STXBP5: variants seen among roughly 807,000 people sequenced by gnomAD.
STXBP5 encodes syntaxin-binding protein 5.
In STXBP5, 50 loss-of-function variants were observed where a neutral mutation model predicts 152.4. The ratio of observed to expected loss-of-function variants is 0.33; its 90% CI spans 0.26 to 0.42. The LOEUF is 0.42. Among genes scored for constraint, STXBP5 ranks in the 10% least tolerant of loss-of-function variants. The pLI, the probability that STXBP5 is intolerant of heterozygous loss-of-function variation, is 1.00. For missense variants in STXBP5, 1,167 were observed against 1,388.6 expected, an observed-to-expected ratio of 0.84 and a Z score of 2.54; for synonymous variants, 492 against 494.7, an observed-to-expected ratio of 0.99 and a Z score of 0.07.
chr6:147,239,511 G>GA (rs1250091435), intron 4 of STXBP5, among the ~76,000 whole-genome samples: 1 of 151,984 alleles, frequency 6.6e-6, no homozygotes, highest in African/African-American at 2.4e-5. Flanking sequence ...ATGTATAAAA[G>GA]AAAAAATCTC....
intron 4 of STXBP5, among the ~76,000 whole-genome samples, chr6:147,255,132 A>T (rs1196068791): frequency 6.6e-6 from 1 of 152,262 alleles, no homozygotes; most frequent in Admixed American, 6.5e-5. Flanking sequence ...AATACCATGC[A>T]GCCGTAAAAA....
chr6:147,305,837 T>A (rs1163319360), intron 9 of STXBP5, among the ~76,000 whole-genome samples: 1 of 152,140 alleles, frequency 6.6e-6, no homozygotes, highest in Non-Finnish European at 1.5e-5. Context: ...AAGGTATAAT[T>A]CTGCTTACCA....
At chr6:147,314,462 C>G in intron 13 of STXBP5, 131 bp downstream of exon 13, 1 of 1,300,744 alleles carries the variant, frequency 7.7e-7, no homozygotes, top group African/African-American at 1.5e-5. Flanking sequence ...AAATGTTATT[C>G]TTAAGAACCT....
At chr6:147,215,111 G>T (rs544399546) in intron 2 of STXBP5, among the ~76,000 whole-genome samples, 1 of 152,284 alleles carries the variant, frequency 6.6e-6, no homozygotes, top group Admixed American at 6.5e-5. Context: ...TAGCACAAAT[G>T]CAACCATAAA....
intron 25 of STXBP5, among the ~76,000 whole-genome samples, chr6:147,369,613 A>G (rs542585185): frequency 1.2e-4 from 19 of 152,112 alleles, no homozygotes; most frequent in Non-Finnish European, 2.9e-5. Context: ...AAAACTCACC[A>G]GAAGGAAGAG....
intron 16 of STXBP5, 60 bp from the exon 17 acceptor site, chr6:147,324,899 T>A: frequency 7.5e-7 from 1 of 1,336,606 alleles, no homozygotes; most frequent in Non-Finnish European, 9.8e-7. Context: ...AAGTTATTTA[T>A]AATCATATAG....
chr6:147,319,062 C>T (rs1782782048), intron 16 of STXBP5, among the ~76,000 whole-genome samples: 1 of 152,100 alleles, frequency 6.6e-6, no homozygotes, highest in Non-Finnish European at 1.5e-5. Flanking sequence ...TTGAATACTA[C>T]TTGCCCTCAC....
At chr6:147,273,138 A>C (rs1341954774) in intron 7 of STXBP5, among the ~76,000 whole-genome samples, 1 of 149,866 alleles carries the variant, frequency 6.7e-6, no homozygotes, top group Non-Finnish European at 1.5e-5. Flanking sequence ...GGATCAGTTG[A>C]GGCCAGGAGA....
At chr6:147,256,510 C>A (rs10499247) in intron 4 of STXBP5, among the ~76,000 whole-genome samples, 10,401 of 152,060 alleles carry the variant, frequency 0.068, 476 homozygotes, top group African/African-American at 0.12. Flanking sequence ...GATATAGGTA[C>A]CACAAAATGT....
At chr6:147,225,813 A>G (rs143048833) in intron 2 of STXBP5, among the ~76,000 whole-genome samples, 1 of 152,306 alleles carries the variant, frequency 6.6e-6, no homozygotes, top group East Asian at 1.9e-4. Context: ...ATAAGAGGAA[A>G]TATTGTTGTG....
chr6:147,289,963 G>T lies in STXBP5; in HGVS notation c.839-1131G>T, dbSNP rs112726802. ...TGCCTGTAATCCCAGCACTTCAGGA[G>T]ACTGCGGCGGGCAGCTCCCTTGAGC... On this transcript the variant is annotated intron_variant, in intron 8 of 27. Coordinates refer to ENST00000321680, the MANE Select transcript of STXBP5 (RefSeq NM_001127715.4). Among the ~76,000 whole-genome samples, 1,406 of 152,336 alleles carry T rather than the reference G, an allele frequency of 9.2e-3. 22 individuals carry two copies. Among genetic ancestry groups the T allele is most frequent in the African/African-American group, 0.032 (1,318 of 41,576 alleles).
chr6:147,291,534 G>A (rs528260513), intron 9 of STXBP5, among the ~76,000 whole-genome samples: 1 of 152,116 alleles, frequency 6.6e-6, no homozygotes, highest in South Asian at 2.1e-4. Flanking sequence ...TACTATATAT[G>A]TTATGAAAGT....
At chr6:147,370,073 C>G (rs1391434991) in intron 25 of STXBP5, among the ~76,000 whole-genome samples, 2 of 151,818 alleles carry the variant, frequency 1.3e-5, no homozygotes, top group East Asian at 3.9e-4. Context: ...GTCAGCAATA[C>G]AAAGGAGTAA....
intron 8 of STXBP5, among the ~76,000 whole-genome samples, chr6:147,278,627 TGGTGTCA>T (rs1210143920): frequency 6.6e-6 from 1 of 152,104 alleles, no homozygotes; most frequent in African/African-American, 2.4e-5. Flanking sequence ...TATCAAAATA[TGGTGTCA>T]GGAGTCCTCA....
intron 4 of STXBP5, among the ~76,000 whole-genome samples, chr6:147,257,110 T>C (rs954246183): frequency 3.3e-5 from 5 of 151,838 alleles, no homozygotes; most frequent in Non-Finnish European, 5.9e-5. Context: ...ATGTTCCCAG[T>C]AACATGATTT....
intron 2 of STXBP5, 77 bp from the exon 3 acceptor site, chr6:147,235,170 ATTT>A: frequency 8.1e-7 from 1 of 1,229,456 alleles, no homozygotes; most frequent in Non-Finnish European, 1.2e-6. Context: ...TCATTGGAAT[ATTT>A]ATCAGCCTAT....
At chr6:147,284,479 A>G (rs1412792181) in intron 8 of STXBP5, among the ~76,000 whole-genome samples, 2 of 152,242 alleles carry the variant, frequency 1.3e-5, no homozygotes, top group African/African-American at 4.8e-5. Context: ...AAAATGATCT[A>G]TAAACTGATA....
intron 16 of STXBP5, among the ~76,000 whole-genome samples, chr6:147,324,275 T>TTG (rs1783104732): frequency 1.6e-5 from 2 of 126,488 alleles, no homozygotes; most frequent in South Asian, 2.8e-4. Context: ...TTTTTTTTTT[T>TTG]TTTTTTTTTT....
At position 147,205,965 on chromosome 6, in the gene STXBP5, C is replaced by A; in HGVS notation, c.151-6C>A. ...GGTTGCTGTGATGTCACTTGCCCAT[C>A]CCTAGACTGTTCGCCATGGATTTCC... On this transcript the variant is annotated splice_region_variant and splice_polypyrimidine_tract_variant and intron_variant, in intron 1 of 27. Coordinates refer to ENST00000321680, the MANE Select transcript of STXBP5 (RefSeq NM_001127715.4). The A allele has an allele frequency of 6.2e-7, 1 of 1,613,386 alleles. No individual in the cohort carries two copies. Among genetic ancestry groups the A allele is most frequent in the South Asian group, 1.1e-5 (1 of 91,066 alleles).
Sources: gnomAD v4.1 joint callset for allele counts (sites outside exome capture counted in the v4.1 genomes callset) on GRCh38, gnomAD v4.1.1 for gene constraint, MANE v1.5 for transcripts, NCBI Gene and HGNC (gene_info 2026-07-23, HGNC 2026-07-21) for gene names.